The following MACROD2 variants were observed in gnomAD, a reference collection of about 807,000 sequenced individuals.
MACROD2 encodes the protein mono-ADP ribosylhydrolase 2.
MACROD2 carries 36 observed loss-of-function variants against 70.4 expected under a neutral mutation model. The observed-to-expected ratio is 0.51, with a 90% CI of 0.39 to 0.68. MACROD2 has a LOEUF of 0.68. Among genes scored for constraint, MACROD2 ranks in the 30% least tolerant of loss-of-function variants. The pLI is 0.00. For missense variants in MACROD2, 496 were observed against 538.4 expected, an observed-to-expected ratio of 0.92 and a Z score of 0.78; for synonymous variants, 172 against 178.8, an observed-to-expected ratio of 0.96 and a Z score of 0.30.
chr20:14,446,955 C>A (rs2122973324), intron 3 of MACROD2, among the ~76,000 whole-genome samples: 1 of 152,152 alleles, frequency 6.6e-6, no homozygotes, highest in African/African-American at 2.4e-5. Context: ...TCGGAGCCAC[C>A]AAAATACAAT....
At chr20:15,528,130 G>A (rs2047746187) in intron 8 of MACROD2, among the ~76,000 whole-genome samples, 1 of 135,030 alleles carries the variant, frequency 7.4e-6, no homozygotes, top group South Asian at 2.6e-4. Context: ...ATTTGGCAAC[G>A]TCTGGACACA....
At chr20:16,035,382 A>G (rs1207376917) in intron 15 of MACROD2, among the ~76,000 whole-genome samples, 2 of 151,452 alleles carry the variant, frequency 1.3e-5, no homozygotes, top group Non-Finnish European at 2.9e-5. Flanking sequence ...CTGAGTATCT[A>G]CCCAGAGGAA....
intron 3 of MACROD2, among the ~76,000 whole-genome samples, chr20:14,188,538 T>A (rs1173842518): frequency 6.6e-6 from 1 of 152,148 alleles, no homozygotes; most frequent in African/African-American, 2.4e-5. Flanking sequence ...TTCCATGCTT[T>A]CAGGATTTTC....
At chr20:14,788,068 C>A (rs1451212523) in intron 5 of MACROD2, among the ~76,000 whole-genome samples, 1 of 151,960 alleles carries the variant, frequency 6.6e-6, no homozygotes, top group East Asian at 1.9e-4. Context: ...TATTGAAGTA[C>A]CATTCAGCCT....
chr20:15,681,409 C>A (rs1040537929), intron 8 of MACROD2, among the ~76,000 whole-genome samples: 1 of 152,192 alleles, frequency 6.6e-6, no homozygotes, highest in African/African-American at 2.4e-5. Flanking sequence ...AAAGATCACC[C>A]CCATCCTGCT....
At chr20:15,982,938 A>C (rs1331301399) in intron 13 of MACROD2, among the ~76,000 whole-genome samples, 1 of 152,208 alleles carries the variant, frequency 6.6e-6, no homozygotes, top group Non-Finnish European at 1.5e-5. Context: ...GTTTTGAGAG[A>C]TAGGCCACTG....
At chr20:14,678,581 T>C (rs2070891259) in intron 4 of MACROD2, among the ~76,000 whole-genome samples, 2 of 152,168 alleles carry the variant, frequency 1.3e-5, no homozygotes, top group African/African-American at 4.8e-5. Context: ...TCTATTCTTT[T>C]CTTCTTTAGT....
intron 10 of MACROD2, among the ~76,000 whole-genome samples, chr20:15,910,379 G>A (rs976857057): frequency 2.7e-5 from 4 of 148,016 alleles, no homozygotes; most frequent in Admixed American, 7.0e-5. Context: ...TTGTGATGTG[G>A]CCAAGTCAGA....
chr20:15,748,899 C>T (rs981736573), intron 8 of MACROD2, among the ~76,000 whole-genome samples: 10 of 152,044 alleles, frequency 6.6e-5, no homozygotes, highest in Non-Finnish European at 1.2e-4. Context: ...ATCTTCGTTC[C>T]ACCATTTGCC....
At chr20:15,926,280 T>C (rs989842489) in intron 10 of MACROD2, among the ~76,000 whole-genome samples, 1 of 152,214 alleles carries the variant, frequency 6.6e-6, no homozygotes, top group Non-Finnish European at 1.5e-5. Context: ...GAATAGAAGA[T>C]AATCTACCTC....
intron 8 of MACROD2, among the ~76,000 whole-genome samples, chr20:15,843,458 G>T (rs777059270): frequency 6.6e-6 from 1 of 152,124 alleles, no homozygotes; most frequent in Non-Finnish European, 1.5e-5. Flanking sequence ...TTTTGCTTTT[G>T]AAACAGCATA....
intron 2 of MACROD2, among the ~76,000 whole-genome samples, chr20:14,044,096 T>A (rs2053432240): frequency 6.6e-6 from 1 of 152,070 alleles, no homozygotes; most frequent in African/African-American, 2.4e-5. Flanking sequence ...GTTACAGTTC[T>A]TAAAGGCAGT....
At chr20:15,964,073 A>G (rs1369802894) in intron 12 of MACROD2, among the ~76,000 whole-genome samples, 3 of 152,214 alleles carry the variant, frequency 2.0e-5, no homozygotes, top group African/African-American at 4.8e-5. Flanking sequence ...ACTGTTTTAC[A>G]TGTTTTTGAA....
chr20:15,859,674 C>T (rs763723777), intron 8 of MACROD2, among the ~76,000 whole-genome samples: 28 of 151,838 alleles, frequency 1.8e-4, no homozygotes, highest in Non-Finnish European at 3.8e-4. Flanking sequence ...AGACATTTTC[C>T]GTGTTATGCC....
chr20:16,047,352 T>C (rs2067396963), intron 17 of MACROD2, among the ~76,000 whole-genome samples: 1 of 152,190 alleles, frequency 6.6e-6, no homozygotes, highest in African/African-American at 2.4e-5. Flanking sequence ...AAATCAGGGA[T>C]AGCATAAGGA....
At chr20:14,818,333 G>C (rs1042994745) in intron 5 of MACROD2, among the ~76,000 whole-genome samples, 12 of 152,052 alleles carry the variant, frequency 7.9e-5, no homozygotes, top group Non-Finnish European at 1.6e-4. Context: ...TCTACTATGA[G>C]TAGTACAAAA....
At chr20:15,446,654 T>C (rs1165673391) in intron 7 of MACROD2, among the ~76,000 whole-genome samples, 1 of 152,192 alleles carries the variant, frequency 6.6e-6, no homozygotes, top group Non-Finnish European at 1.5e-5. Context: ...CCTGTGAAAG[T>C]GATCACCGGC....
At chr20:15,215,583 A>G (rs2076803514) in intron 5 of MACROD2, among the ~76,000 whole-genome samples, 1 of 152,046 alleles carries the variant, frequency 6.6e-6, no homozygotes, top group Admixed American at 6.5e-5. Flanking sequence ...ATAAAACTAT[A>G]TATTTATATA....
rs575365896 is a variant in MACROD2, at chr20:14,925,963, C to T, written c.418+241004C>T. ...GAAATGGCTTTGGAGACAGGAAATA[C>T]TGGGTTCCAGCCTTGTCTCTGTGGC... is the stretch of plus-strand genomic sequence containing the variant. On this transcript the variant is annotated intron_variant, in intron 5 of 17. Coordinates refer to ENST00000684519, the MANE Select transcript of MACROD2 (RefSeq NM_001351661.2). 3.3e-5 allele frequency among the ~76,000 whole-genome samples: 5 copies of T among 152,202 alleles called. No homozygotes were observed. In the South Asian group the frequency reaches 1.0e-3, roughly 32 times the overall value.
Sources: allele counts gnomAD v4.1 joint callset (sites outside exome capture counted in the v4.1 genomes callset), GRCh38; gene constraint gnomAD v4.1.1; transcripts MANE v1.5; gene names NCBI Gene and HGNC (gene_info 2026-07-23, HGNC 2026-07-21).